NUTF2: variants seen among roughly 807,000 people sequenced by gnomAD.
NUTF2 encodes the protein placental protein 15.
In NUTF2, 3 loss-of-function variants were observed where a neutral mutation model predicts 18.5. The observed-to-expected ratio is 0.16, with a 90% CI of 0.07 to 0.42. The LOEUF is 0.42. NUTF2 is among the 10% of genes least tolerant of loss of function. NUTF2 has a pLI of 0.99. For missense variants in NUTF2, 44 were observed against 160.7 expected, an observed-to-expected ratio of 0.27 and a Z score of 3.93; for synonymous variants, 51 against 57.9, an observed-to-expected ratio of 0.88 and a Z score of 0.54.
chr16:67,864,509 C>CAAAAAA (rs572931294), intron 1 of NUTF2, among the ~76,000 whole-genome samples: 23 of 52,954 alleles, frequency 4.3e-4, no homozygotes, highest in South Asian at 6.6e-4. Context: ...AACTCTGTCT[C>CAAAAAA]AAAAAAAAAA....
chr16:67,847,344 C>T (rs1267406161), intron 1 of NUTF2: 4 of 152,470 alleles, frequency 2.6e-5, no homozygotes, highest in Non-Finnish European at 5.9e-5. Flanking sequence ...GCGCGAGCCC[C>T]GCAAGCTCTG....
chr16:67,852,111 G>A lies in NUTF2; in HGVS notation c.-30+5126G>A, dbSNP rs1279351826. On this transcript the variant is annotated intron_variant, in intron 1 of 4. Transcript: ENST00000219169. ...GCTGGAGCATTGCTTGAGGCCAGGA[G>A]TTCAAAACTAGCCTTGTCAACATAG... Among the ~76,000 whole-genome samples the A allele has an allele frequency of 7.2e-5, 11 of 152,044 alleles. No homozygotes were observed. The East Asian group carries it at 1.9e-3, about 27-fold the overall frequency.
In NUTF2 at chr16:67,856,068, T is replaced by C. The variant is rs549489683; in HGVS notation, c.-29-9034T>C. On this transcript the variant is annotated intron_variant, in intron 1 of 4. Transcript: ENST00000219169. ...TCACCCACTGTTACGATGTGGCCAATCTGGACGTCCCTGAAGAAGGTGGAC... is the reference window on the plus strand; with the variant it reads ...TCACCCACTGTTACGATGTGGCCAACCTGGACGTCCCTGAAGAAGGTGGAC... The C allele has an allele frequency of 4.1e-4, 273 of 661,894 alleles. 6 individuals are homozygous for C. The South Asian group carries it at 4.3e-3, about 11-fold the overall frequency. The allele number at this position is 661,894 out of a possible 1,614,324, so 41.0% of individuals were successfully genotyped here. A position where few individuals can be genotyped will look rare whatever the true frequency, so the allele number is the denominator to read the frequency against.
intron 1 of NUTF2, among the ~76,000 whole-genome samples, chr16:67,854,278 G>T (rs562383395): frequency 6.6e-6 from 1 of 152,300 alleles, no homozygotes; most frequent in South Asian, 2.1e-4. Context: ...TCCCCTGCTT[G>T]GAGCATGGGT....
chr16:67,855,644 G>A (rs932973483), intron 1 of NUTF2, among the ~76,000 whole-genome samples: 3 of 152,136 alleles, frequency 2.0e-5, no homozygotes, highest in Non-Finnish European at 4.4e-5. Flanking sequence ...TGGGTCTCCC[G>A]AGGGCAGAAA....
rs998084284 is a variant in NUTF2 at position 67,871,190 on chromosome 16, A to T, written c.*277A>T. 1.1e-5 allele frequency: 3 copies of T among 272,502 alleles called. No homozygotes were observed. Among genetic ancestry groups the T allele is most frequent in the African/African-American group, 2.6e-5 (1 of 37,852 alleles). 16.9% of individuals were successfully genotyped at this position (272,502 alleles called of 1,614,324 possible). A position where few individuals can be genotyped will look rare whatever the true frequency, so the allele number is the denominator to read the frequency against. On this transcript the variant is annotated 3_prime_UTR_variant, in exon 5 of 5. Transcript: ENST00000219169. ...TTTTTTTTTTTTTTTTTTTTAATCT[A>T]CTGACAAGTTGCTCTAGTAACCCAA... is the stretch of plus-strand genomic sequence containing the variant.
intron 1 of NUTF2, among the ~76,000 whole-genome samples, chr16:67,855,552 G>C (rs1219262269): frequency 6.6e-6 from 1 of 152,186 alleles, no homozygotes; most frequent in Non-Finnish European, 1.5e-5. Flanking sequence ...ACTGAGGGCT[G>C]TTTGTCCCAG....
chr16:67,855,888 G>T (rs1378330925), intron 1 of NUTF2: 16 of 184,428 alleles, frequency 8.7e-5, no homozygotes, highest in South Asian at 9.9e-5. Context: ...TTTTTTTGGC[G>T]GGGGGGGGGG....
At chr16:67,853,893 C>T (rs1162895473) in intron 1 of NUTF2, among the ~76,000 whole-genome samples, 1 of 152,190 alleles carries the variant, frequency 6.6e-6, no homozygotes, top group African/African-American at 2.4e-5. Flanking sequence ...GGTGATCCTC[C>T]TGCCTCAACC....
At chr16:67,851,585 G>A (rs1376077886) in intron 1 of NUTF2, among the ~76,000 whole-genome samples, 2 of 151,908 alleles carry the variant, frequency 1.3e-5, no homozygotes, top group African/African-American at 4.8e-5. Flanking sequence ...TATACATAAC[G>A]CCATGTTGAT....
At chr16:67,848,224 G>A (rs1172177292) in intron 1 of NUTF2, among the ~76,000 whole-genome samples, 1 of 152,138 alleles carries the variant, frequency 6.6e-6, no homozygotes, top group Non-Finnish European at 1.5e-5. Context: ...GAAGACCTTG[G>A]GACTAGGGGA....
chr16:67,870,245 G>A (rs2058002273), intron 4 of NUTF2: 1 of 152,370 alleles, frequency 6.6e-6, no homozygotes, highest in African/African-American at 2.4e-5. Context: ...CCAGAAAGCA[G>A]GTGATGTTAG....
intron 1 of NUTF2, among the ~76,000 whole-genome samples, chr16:67,850,279 A>C (rs538782473): frequency 4.1e-4 from 61 of 146,998 alleles, no homozygotes; most frequent in African/African-American, 1.2e-3. Context: ...ATCTCGGCTC[A>C]CTGCAAGCTC....
rs59380295 is a variant in NUTF2 at position 67,850,465 on chromosome 16, C to A, written c.-30+3480C>A. 6.9e-3 allele frequency among the ~76,000 whole-genome samples: 1,053 copies of A among 152,300 alleles called. 14 individuals carry two copies. Among genetic ancestry groups the A allele is most frequent in the African/African-American group, 0.024 (1,000 of 41,566 alleles). ...TCGTGATCCACCCGCCTTGGCCTCC[C>A]AAAGTGCTGGGATTACAGGCGTGAG... is the stretch of plus-strand genomic sequence containing the variant. On this transcript the variant is annotated intron_variant, in intron 1 of 4. Transcript: ENST00000219169.
At chr16:67,866,035 G>A (rs1434793052) in intron 2 of NUTF2, among the ~76,000 whole-genome samples, 1 of 151,938 alleles carries the variant, frequency 6.6e-6, no homozygotes, top group Non-Finnish European at 1.5e-5. Flanking sequence ...CTCTTTTAAC[G>A]ATGTTCATAT....
chr16:67,865,331 G>C (rs2151299877), intron 2 of NUTF2, 102 bp downstream of exon 2: 2 of 765,970 alleles, frequency 2.6e-6, no homozygotes, highest in South Asian at 1.6e-5. Flanking sequence ...ATCTGGACTG[G>C]CTACACCTCT....
chr16:67,862,919 A>G (rs765936936), intron 1 of NUTF2, among the ~76,000 whole-genome samples: 1 of 152,200 alleles, frequency 6.6e-6, no homozygotes, highest in African/African-American at 2.4e-5. Flanking sequence ...AGCCAAGGGT[A>G]GAAGGAGATG....
intron 2 of NUTF2, among the ~76,000 whole-genome samples, chr16:67,867,550 G>C (rs1028010225): frequency 6.6e-6 from 1 of 152,202 alleles, no homozygotes; most frequent in South Asian, 2.1e-4. Flanking sequence ...GAGGGTCCCA[G>C]ACTAGGCCTT....
At chr16:67,853,533 T>A (rs2057875144) in intron 1 of NUTF2, among the ~76,000 whole-genome samples, 1 of 151,990 alleles carries the variant, frequency 6.6e-6, no homozygotes, top group South Asian at 2.1e-4. Context: ...AATTTTTGTA[T>A]TTTTAGTAGA....
Sources: gnomAD v4.1 joint callset for allele counts (sites outside exome capture counted in the v4.1 genomes callset) on GRCh38, gnomAD v4.1.1 for gene constraint, MANE v1.5 for transcripts, NCBI Gene and HGNC (gene_info 2026-07-23, HGNC 2026-07-21) for gene names.